Variants in PPP2R5E observed in about 807,000 individuals in gnomAD.
PPP2R5E encodes serine/threonine-protein phosphatase 2A 56 kDa regulatory subunit epsilon isoform.
A neutral mutation model predicts 65.3 loss-of-function variants in PPP2R5E; 4 were observed. The ratio of observed to expected loss-of-function variants is 0.06; its 90% CI spans 0.03 to 0.14. The LOEUF (loss-of-function observed/expected upper bound fraction) is 0.14, where lower values mean the gene tolerates loss of function less well. PPP2R5E is among the 10% of genes least tolerant of loss of function. PPP2R5E has a pLI of 1.00. For synonymous variants in PPP2R5E, 183 were observed against 187.4 expected (o/e 0.98, Z 0.19); for missense variants, 274 against 556.1 (o/e 0.49, Z 5.10).
At chr14:63,378,815 T>C (rs1884140570) in intron 13 of PPP2R5E, among the ~76,000 whole-genome samples, 1 of 152,226 alleles carries the variant, frequency 6.6e-6, no homozygotes, top group East Asian at 1.9e-4. Flanking sequence ...TTCAGATTTG[T>C]AATACTTCAA....
In PPP2R5E at chr14:63,477,750, C is replaced by T. The variant is rs988339696; in HGVS notation, c.158-23865G>A. 4.4e-4 allele frequency among the ~76,000 whole-genome samples: 67 copies of T among 151,954 alleles called. No homozygotes were observed. In the Middle Eastern group the frequency reaches 0.01, roughly 23 times the overall value. On this transcript the variant is annotated intron_variant, in intron 2 of 13. Coordinates refer to ENST00000337537, the MANE Select transcript of PPP2R5E (RefSeq NM_006246.5). The stretch of plus-strand genomic sequence containing the variant: ...ACAATACAGGATCTTACTGAAAAAG[C>T]TCTTAATAAAAATGTACACTGAAGT...
intron 3 of PPP2R5E, among the ~76,000 whole-genome samples, chr14:63,447,857 A>G (rs1197306654): frequency 6.6e-6 from 1 of 152,152 alleles, no homozygotes; most frequent in Admixed American, 6.5e-5. Flanking sequence ...TAATTTCAAT[A>G]CTGTTGTGTC....
chr14:63,435,725 T>C (rs1887924225), intron 3 of PPP2R5E, among the ~76,000 whole-genome samples: 1 of 152,190 alleles, frequency 6.6e-6, no homozygotes, highest in Non-Finnish European at 1.5e-5. Context: ...ACCCTCCGCT[T>C]CCATTCGGCT....
chr14:63,518,482 G>A (rs138238133), intron 2 of PPP2R5E, among the ~76,000 whole-genome samples: 5,529 of 152,186 alleles, frequency 0.036, 155 homozygotes, highest in Non-Finnish European at 0.055. Flanking sequence ...GGCCTCAAGA[G>A]ATCCTCCCGT....
At chr14:63,463,980 T>G (rs979312483) in intron 2 of PPP2R5E, among the ~76,000 whole-genome samples, 1 of 152,208 alleles carries the variant, frequency 6.6e-6, no homozygotes, top group Non-Finnish European at 1.5e-5. Context: ...AAGATGAGTA[T>G]ACAACATTAA....
intron 5 of PPP2R5E, among the ~76,000 whole-genome samples, chr14:63,406,597 C>T (rs1377691750): frequency 6.6e-6 from 1 of 152,168 alleles, no homozygotes; most frequent in African/African-American, 2.4e-5. Context: ...CCACAGTTTC[C>T]ATCACTCCTT....
rs374281342 is a variant in PPP2R5E, at chr14:63,431,641, CAAAGCTCT to C, written c.355-9555_355-9548del. Among the ~76,000 whole-genome samples the C allele has an allele frequency of 8.8e-3, 1,333 of 152,262 alleles. 29 individuals carry two copies. Among genetic ancestry groups the C allele is most frequent in the African/African-American group, 0.031 (1,278 of 41,542 alleles). ...TTTATCATAAAACTGCATTTGCGGACAAAGCTCTATACTTTTGTGAAGACATTCACTGA... is the reference window on the plus strand; with the variant it reads ...TTTATCATAAAACTGCATTTGCGGACATACTTTTGTGAAGACATTCACTGA... On this transcript the variant is annotated intron_variant, in intron 3 of 13. Transcript: ENST00000337537.
intron 2 of PPP2R5E, among the ~76,000 whole-genome samples, chr14:63,463,694 T>C (rs1889623157): frequency 6.6e-6 from 1 of 151,804 alleles, no homozygotes; most frequent in Non-Finnish European, 1.5e-5. Flanking sequence ...CCTCCCGGGT[T>C]CATGCCATTC....
chr14:63,402,113 A>G (rs1241930824), intron 5 of PPP2R5E, among the ~76,000 whole-genome samples: 2 of 152,070 alleles, frequency 1.3e-5, no homozygotes, highest in Non-Finnish European at 2.9e-5. Context: ...ATGAAATAAA[A>G]CTCTGCATAC....
chr14:63,401,118 A>G (rs1300666585), intron 5 of PPP2R5E, among the ~76,000 whole-genome samples: 1 of 152,212 alleles, frequency 6.6e-6, no homozygotes, highest in Non-Finnish European at 1.5e-5. Flanking sequence ...ATTCTATGAG[A>G]AAGATGAATT....
At chr14:63,417,719 AT>A (rs139151569) in intron 4 of PPP2R5E, among the ~76,000 whole-genome samples, 2,013 of 152,248 alleles carry the variant, frequency 0.013, 57 homozygotes, top group African/African-American at 0.045. Context: ...GCTTTTTTAC[AT>A]TTTTAATTAC....
chr14:63,481,848 G>C (rs1434401719), intron 2 of PPP2R5E, among the ~76,000 whole-genome samples: 1 of 152,030 alleles, frequency 6.6e-6, no homozygotes. Context: ...TAAGACTTTC[G>C]AGTCTAAAAA....
At chr14:63,449,995 C>A (rs1293969340) in intron 3 of PPP2R5E, among the ~76,000 whole-genome samples, 1 of 151,534 alleles carries the variant, frequency 6.6e-6, no homozygotes, top group Non-Finnish European at 1.5e-5. Flanking sequence ...CTTGCCTCAG[C>A]CTCCCAAGTA....
At chr14:63,482,187 G>A (rs971321678) in intron 2 of PPP2R5E, among the ~76,000 whole-genome samples, 5 of 152,158 alleles carry the variant, frequency 3.3e-5, no homozygotes, top group Non-Finnish European at 5.9e-5. Flanking sequence ...CATGGAGGCC[G>A]AGCACAGTGA....
chr14:63,447,437 G>A (rs1355271667), intron 3 of PPP2R5E, among the ~76,000 whole-genome samples: 1 of 152,194 alleles, frequency 6.6e-6, no homozygotes, highest in East Asian at 1.9e-4. Flanking sequence ...CTCTGTTACT[G>A]TCCAACTTTT....
chr14:63,397,607 A>G (rs1176648410), intron 5 of PPP2R5E, among the ~76,000 whole-genome samples: 2 of 151,926 alleles, frequency 1.3e-5, no homozygotes, highest in African/African-American at 2.4e-5. Context: ...AAATGTCTCA[A>G]TGATACTGGC....
intron 2 of PPP2R5E, among the ~76,000 whole-genome samples, chr14:63,519,136 C>T (rs1250237998): frequency 1.3e-5 from 2 of 152,040 alleles, no homozygotes; most frequent in African/African-American, 2.4e-5. Flanking sequence ...ATCGCTTGAA[C>T]CTGGGAGGCA....
chr14:63,487,673 T>G (rs1290140824), intron 2 of PPP2R5E, among the ~76,000 whole-genome samples: 1 of 152,218 alleles, frequency 6.6e-6, no homozygotes, highest in Non-Finnish European at 1.5e-5. Context: ...GTTTCACCTT[T>G]CAAAACATCT....
intron 2 of PPP2R5E, among the ~76,000 whole-genome samples, chr14:63,523,834 C>A (rs1002927983): frequency 1.3e-5 from 2 of 151,042 alleles, no homozygotes; most frequent in African/African-American, 4.9e-5. Flanking sequence ...TATAAATATT[C>A]TTGCATTCAA....
Sources: gnomAD v4.1 joint callset for allele counts (sites outside exome capture counted in the v4.1 genomes callset) on GRCh38, gnomAD v4.1.1 for gene constraint, MANE v1.5 for transcripts, NCBI Gene and HGNC (gene_info 2026-07-23, HGNC 2026-07-21) for gene names.